Variants in ACCSL observed in about 807,000 individuals in gnomAD.
ACCSL encodes 1-aminocyclopropane-1-carboxylate synthase homolog (inactive) like.
In ACCSL, 55 loss-of-function variants were observed where a neutral mutation model predicts 61.7. The ratio of observed to expected loss-of-function variants is 0.89; its 90% CI spans 0.72 to 1.12. The LOEUF (loss-of-function observed/expected upper bound fraction) is 1.12. Among genes scored for constraint, ACCSL ranks in the 50% most tolerant of loss-of-function variants. The pLI is 0.00. For missense variants in ACCSL, 632 were observed against 698.0 expected, an observed-to-expected ratio of 0.91 and a Z score of 1.07; for synonymous variants, 258 against 264.3, an observed-to-expected ratio of 0.98 and a Z score of 0.23.
the ACCSL span, among the ~76,000 whole-genome samples, chr11:43,990,232 G>A: frequency 4.6e-5 from 7 of 152,192 alleles, no homozygotes; most frequent in Admixed American, 4.6e-4. Flanking sequence ...GAGTGCTTAG[G>A]ACGTTGCCTG....
intron 13 of ACCSL, among the ~76,000 whole-genome samples, chr11:44,058,982 C>T (rs1410817746): frequency 6.6e-6 from 1 of 152,116 alleles, no homozygotes. Flanking sequence ...GTGTCTTATG[C>T]CTGTAATCCC....
chr11:43,925,262 C>A, the ACCSL span: 1 of 408,204 alleles, frequency 2.4e-6, no homozygotes, highest in Non-Finnish European at 5.0e-6. Context: ...CGGTAGGGGA[C>A]TACTTGAGAG....
At chr11:44,029,459 C>T in the ACCSL span, among the ~76,000 whole-genome samples, 1 of 152,374 alleles carries the variant, frequency 6.6e-6, no homozygotes, top group East Asian at 1.9e-4. Context: ...GATACCTATG[C>T]ACCTGCAACA....
chr11:44,043,843 T>C (rs1487565001), upstream of ACCSL, among the ~76,000 whole-genome samples: 2 of 152,174 alleles, frequency 1.3e-5, no homozygotes, highest in Admixed American at 1.3e-4. Context: ...ATCTCCTGTT[T>C]TCCTTCAAAT....
At chr11:43,950,643 AG>A in the ACCSL span, among the ~76,000 whole-genome samples, 1 of 152,176 alleles carries the variant, frequency 6.6e-6, no homozygotes, top group African/African-American at 2.4e-5. Flanking sequence ...CCTTCCCACA[AG>A]GGGGCACAGG....
the ACCSL span, among the ~76,000 whole-genome samples, chr11:43,999,793 A>G: frequency 9.9e-3 from 1,509 of 152,254 alleles, 30 homozygotes; most frequent in African/African-American, 0.034. Flanking sequence ...GATCCCATGT[A>G]GTAGGTATAA....
chr11:43,922,108 C>T, the ACCSL span: 1 of 152,212 alleles, frequency 6.6e-6, no homozygotes, highest in African/African-American at 2.4e-5. Flanking sequence ...ACAGCGGTAG[C>T]ATGAAGAAAA....
At chr11:43,950,473 C>G in the ACCSL span, among the ~76,000 whole-genome samples, 93,612 of 152,190 alleles carry the variant, frequency 0.62, 29,032 homozygotes, top group East Asian at 0.8. Context: ...AAGGCCATCT[C>G]GCCATTCAGC....
chr11:44,053,400 T>C lies in ACCSL; in HGVS notation c.949-6T>C. ...ATTCACTCAGTTATATTTGGGTTTT[T>C]CTTAGGGGAAAAAGGTCCGAGGCCT... On this transcript the variant is annotated splice_region_variant and splice_polypyrimidine_tract_variant and intron_variant, in intron 7 of 13. Transcript: ENST00000378832. 2 of 1,614,020 alleles carry C rather than the reference T, an allele frequency of 1.2e-6. No homozygotes were observed. The highest frequency in any genetic ancestry group is 1.6e-4 in the Middle Eastern group (1 of 6,062).
At chr11:44,029,306 C>T in the ACCSL span, among the ~76,000 whole-genome samples, 2 of 152,264 alleles carry the variant, frequency 1.3e-5, no homozygotes, top group African/African-American at 2.4e-5. Context: ...GTTCCTTCAA[C>T]ATGAGAAGCC....
rs747481542 is a variant in ACCSL, at chr11:44,056,316, C to T, written c.1317C>T (p.Leu439=). 5.0e-6 allele frequency: 8 copies of T among 1,613,474 alleles called. No individual in the cohort carries two copies. The East Asian group carries it at 1.3e-4, about 27-fold the overall frequency. ...CCCAGCACAAGCTGTGTCAACTGCT[C>T]CAGAACACAGGTACTGAGCTCTAGC... ...GITQHKLCQL[L]QNTEWIDKVY... Residue 439 remains leucine, a synonymous_variant, in exon 11 of 14, where the codon CTC becomes CTT. Coordinates refer to ENST00000378832, the MANE Select transcript of ACCSL (RefSeq NM_001031854.2).
chr11:43,969,457 T>C, the ACCSL span, among the ~76,000 whole-genome samples: 1 of 152,204 alleles, frequency 6.6e-6, no homozygotes, highest in Non-Finnish European at 1.5e-5. Context: ...CAAAAATTTT[T>C]TACGAAGATT....
At chr11:44,026,153 C>T in the ACCSL span, among the ~76,000 whole-genome samples, 2 of 151,908 alleles carry the variant, frequency 1.3e-5, no homozygotes, top group African/African-American at 4.8e-5. Context: ...CTCTTGGACA[C>T]CCATTATGCA....
the ACCSL span, among the ~76,000 whole-genome samples, chr11:43,961,241 C>T: frequency 6.6e-6 from 1 of 151,980 alleles, no homozygotes; most frequent in African/African-American, 2.4e-5. Context: ...ATTTCATGGC[C>T]ACATGAAGAT....
Position 44,059,967 on chromosome 11 carries a change from G to T in ACCSL, c.*47G>T. The T allele has an allele frequency of 6.4e-7, 1 of 1,572,804 alleles. No homozygotes were observed. The highest frequency in any genetic ancestry group is 1.1e-5 in the South Asian group (1 of 89,780). ...AGTTCCAGCCCATCACTTGCTCAGG[G>T]ACCCCCTAATGTCAGCCTCTGGCCC... On this transcript the variant is annotated 3_prime_UTR_variant, in exon 14 of 14. Coordinates refer to ENST00000378832, the MANE Select transcript of ACCSL (RefSeq NM_001031854.2).
intron 1 of ACCSL, among the ~76,000 whole-genome samples, chr11:44,049,281 G>GT (rs1952620585): frequency 6.6e-6 from 1 of 151,952 alleles, no homozygotes; most frequent in Non-Finnish European, 1.5e-5. Flanking sequence ...CTAGCCAGGC[G>GT]TGGTGGCACA....
At chr11:43,933,925 G>A in the ACCSL span, among the ~76,000 whole-genome samples, 1 of 152,158 alleles carries the variant, frequency 6.6e-6, no homozygotes, top group African/African-American at 2.4e-5. Context: ...CGCTGCAGCT[G>A]GTATCCCATT....
the ACCSL span, among the ~76,000 whole-genome samples, chr11:44,006,798 C>A: frequency 6.6e-6 from 1 of 152,106 alleles, no homozygotes; most frequent in Admixed American, 6.6e-5. Context: ...AGCTACCACA[C>A]CCAGACCTCT....
the ACCSL span, among the ~76,000 whole-genome samples, chr11:43,960,882 G>A: frequency 2.6e-5 from 4 of 152,058 alleles, no homozygotes; most frequent in Admixed American, 1.3e-4. Context: ...GCAGAGGCAC[G>A]ATCTTGGCTC....
Sources: gnomAD v4.1 joint callset for allele counts (sites outside exome capture counted in the v4.1 genomes callset) on GRCh38, gnomAD v4.1.1 for gene constraint, MANE v1.5 for transcripts, NCBI Gene and HGNC (gene_info 2026-07-23, HGNC 2026-07-21) for gene names.